The following IL7 variants were observed in gnomAD, a reference collection of about 807,000 sequenced individuals.
IL7 encodes interleukin-7.
IL7 carries 3 observed loss-of-function variants against 21.6 expected under a neutral mutation model. The observed-to-expected ratio is 0.14, with a 90% CI of 0.06 to 0.36. IL7 has a LOEUF of 0.36. Among genes scored for constraint, IL7 ranks in the 10% least tolerant of loss-of-function variants. IL7 has a pLI of 1.00. For missense variants in IL7, 175 were observed against 200.2 expected (o/e 0.87, Z 0.76); for synonymous variants, 62 against 68.1 (o/e 0.91, Z 0.44).
At chr8:78,762,148 G>A in intron 2 of IL7, 1 of 1,595,944 alleles carries the variant, frequency 6.3e-7, no homozygotes, top group South Asian at 1.1e-5. Flanking sequence ...TATGTGGGTT[G>A]TTCAAATGAC....
At chr8:78,739,912 G>A in intron 3 of IL7, 90 bp downstream of exon 3, 1 of 1,108,374 alleles carries the variant, frequency 9.0e-7, no homozygotes, top group Non-Finnish European at 1.2e-6. Context: ...AATATTAATA[G>A]TATTCATATA....
intron 3 of IL7, among the ~76,000 whole-genome samples, chr8:78,708,736 A>G (rs534045673): frequency 3.4e-5 from 5 of 146,400 alleles, no homozygotes; most frequent in Middle Eastern, 3.5e-3. Context: ...GCTGGAGTGC[A>G]ATGGTGCGAT....
intron 2 of IL7, chr8:78,761,138 C>T: frequency 6.3e-7 from 1 of 1,594,236 alleles, no homozygotes; most frequent in South Asian, 1.1e-5. Flanking sequence ...AGCATCATGC[C>T]TCCCTGTCCA....
At chr8:78,708,604 GATTT>G (rs1461358850) in intron 3 of IL7, among the ~76,000 whole-genome samples, 6 of 150,798 alleles carry the variant, frequency 4.0e-5, no homozygotes, top group African/African-American at 1.5e-4. Context: ...AATTTTAACA[GATTT>G]GTTTAAAAAA....
At chr8:78,768,586 T>C (rs1480684926) in intron 2 of IL7, among the ~76,000 whole-genome samples, 3 of 151,432 alleles carry the variant, frequency 2.0e-5, no homozygotes. Context: ...GAAGTGTCTG[T>C]TCATGTCCTT....
chr8:78,688,480 A>G (rs1482072868), intron 3 of IL7, among the ~76,000 whole-genome samples: 1 of 152,194 alleles, frequency 6.6e-6, no homozygotes, highest in African/African-American at 2.4e-5. Flanking sequence ...ACCTGTTAAA[A>G]TAAGTTGTAA....
At chr8:78,709,741 A>G (rs955921439) in intron 3 of IL7, among the ~76,000 whole-genome samples, 2 of 151,998 alleles carry the variant, frequency 1.3e-5, no homozygotes, top group Non-Finnish European at 2.9e-5. Context: ...AAAAAATTTC[A>G]TAATGTTTTA....
intron 2 of IL7, among the ~76,000 whole-genome samples, chr8:78,765,727 T>TG (rs1812735524): frequency 6.6e-6 from 1 of 152,270 alleles, no homozygotes; most frequent in South Asian, 2.1e-4. Flanking sequence ...CATTCATTGC[T>TG]GATGGGAAGG....
intron 6 of IL7, chr8:78,718,133 T>A (rs1190553891): frequency 1.3e-5 from 2 of 152,040 alleles, no homozygotes; most frequent in Non-Finnish European, 2.9e-5. Context: ...CCTTTTCAAA[T>A]ACACAAGACT....
At chr8:78,767,921 TC>T in intron 2 of IL7, among the ~76,000 whole-genome samples, 1 of 150,382 alleles carries the variant, frequency 6.6e-6, no homozygotes, top group Non-Finnish European at 1.5e-5. Context: ...TCCCTCCCCC[TC>T]CCCCCACCTC....
chr8:78,698,558 G>A (rs765156804), intron 3 of IL7: 21 of 1,348,870 alleles, frequency 1.6e-5, no homozygotes, highest in Admixed American at 7.1e-5. Context: ...ATAATTAAAC[G>A]ATACTAAGGT....
intron 1 of IL7, among the ~76,000 whole-genome samples, chr8:78,804,003 A>G (rs1000110698): frequency 1.6e-4 from 25 of 152,022 alleles, no homozygotes; most frequent in African/African-American, 5.6e-4. Context: ...TTGAGGAAGT[A>G]CTTACTGTAA....
At chr8:78,715,806 G>C (rs943669088), downstream of IL7, among the ~76,000 whole-genome samples, 17 of 152,080 alleles carry the variant, frequency 1.1e-4, no homozygotes, top group African/African-American at 3.9e-4. Flanking sequence ...TTGAGAGGCT[G>C]AGGCAGGTGG....
At chr8:78,722,674 CAAAG>C (rs1280347977) in intron 3 of IL7, among the ~76,000 whole-genome samples, 1 of 151,802 alleles carries the variant, frequency 6.6e-6, no homozygotes, top group Non-Finnish European at 1.5e-5. Context: ...TCCATATCTA[CAAAG>C]AGTTAAGATG....
chr8:78,749,701 G>A (rs1465196290), intron 2 of IL7, among the ~76,000 whole-genome samples: 2 of 152,134 alleles, frequency 1.3e-5, no homozygotes, highest in Admixed American at 1.3e-4. Context: ...TTGATCTTTA[G>A]GAGCTCTAAC....
rs1811467942 is a variant in IL7 at position 78,733,201 on chromosome 8, T to A, written c.*512A>T. ...CTGTTGCTTACTTAAGGTTTATGAC[T>A]CTCTTATTCTCACCGGCATTATCCA... On this transcript the variant is annotated 3_prime_UTR_variant, in exon 6 of 6. Coordinates refer to ENST00000263851, the MANE Select transcript of IL7 (RefSeq NM_000880.4). The A allele has an allele frequency of 6.6e-6, 1 of 152,202 alleles. No individual in the cohort carries two copies. The highest frequency in any genetic ancestry group is 1.5e-5 in the Non-Finnish European group (1 of 68,096). 9.4% of individuals were successfully genotyped at this position (152,202 alleles called of 1,614,324 possible). A position where few individuals can be genotyped will look rare whatever the true frequency, so the allele number is the denominator to read the frequency against.
At chr8:78,803,310 C>G (rs1814155289) in intron 1 of IL7, among the ~76,000 whole-genome samples, 2 of 152,098 alleles carry the variant, frequency 1.3e-5, no homozygotes, top group Non-Finnish European at 2.9e-5. Context: ...ATTTTTATTG[C>G]TATTCAACTT....
At chr8:78,704,439 G>A (rs1810705513) in intron 3 of IL7, among the ~76,000 whole-genome samples, 1 of 151,490 alleles carries the variant, frequency 6.6e-6, no homozygotes, top group South Asian at 2.1e-4. Context: ...ATATCTTCTG[G>A]CTTGTAGGGT....
intron 3 of IL7, chr8:78,724,168 G>C (rs922002826): frequency 6.6e-6 from 1 of 152,128 alleles, no homozygotes; most frequent in Non-Finnish European, 1.5e-5. Flanking sequence ...AATCCAACCA[G>C]CAAGAGGACA....
Sources: allele counts gnomAD v4.1 joint callset (sites outside exome capture counted in the v4.1 genomes callset), GRCh38; gene constraint gnomAD v4.1.1; transcripts MANE v1.5; gene names NCBI Gene and HGNC (gene_info 2026-07-23, HGNC 2026-07-21).